Variants in TNFRSF4 observed in about 807,000 individuals in gnomAD.
TNFRSF4 encodes the protein TNF receptor superfamily member 4.
Under a neutral mutation model 29.5 loss-of-function variants are expected in TNFRSF4, and 21 were observed. The ratio of observed to expected loss-of-function variants is 0.71; its 90% confidence interval spans 0.51 to 1.03. The LOEUF (loss-of-function observed/expected upper bound fraction) is 1.03, where lower values mean the gene tolerates loss of function less well. Among genes scored for constraint, TNFRSF4 ranks in the 50% least tolerant of loss-of-function variants. TNFRSF4 has a pLI of 0.00. For synonymous variants in TNFRSF4, 197 were observed against 172.7 expected (o/e 1.14, Z -1.10); for missense variants, 408 against 387.8 (o/e 1.05, Z -0.44).
At chr1:1,212,312 A>G (rs1325696357) in intron 4 of TNFRSF4, among the ~76,000 whole-genome samples, 174 bp from the exon 5 acceptor site, 2 of 151,458 alleles carry the variant, frequency 1.3e-5, no homozygotes, top group African/African-American at 4.9e-5. Context: ...GGGGCCTCCA[A>G]GGCCACACAC....
chr1:1,213,718 G>A lies in TNFRSF4; in HGVS notation c.213C>T (p.Phe71=). Residue 71 remains phenylalanine, a synonymous_variant, in exon 2 of 7, where the codon TTC becomes TTT. Transcript: ENST00000379236. ...GCTTGGAGCTGACCACGTCGTTGTA[G>A]AAGCCCGGCCCGCACGGACGGCACA... ...NTVCRPCGPG[F]YNDVVSSKPC... 1 of 1,600,168 alleles carries A rather than the reference G, an allele frequency of 6.2e-7. No individual in the cohort carries two copies. The highest frequency in any genetic ancestry group is 8.5e-7 in the Non-Finnish European group (1 of 1,174,600).
Position 1,211,714 on chromosome 1 carries a change from G to A in TNFRSF4, c.753C>T (p.His251=), listed in dbSNP as rs1195337875. The change falls in exon 6 of 7, where the codon CAC becomes CAT. Residue 251 remains histidine (H), a synonymous_variant. Transcript: ENST00000379236. ...RRDQRLPPDA[H]KPPGGGSFRT... ...CCATGAGGCACTCACCAGGGGGCTT[G>A]TGGGCATCGGGGGGCAGCCTCTGGT... 5 of 1,590,178 alleles carry A rather than the reference G, an allele frequency of 3.1e-6. No homozygotes were observed. Among genetic ancestry groups the A allele is most frequent in the Non-Finnish European group, 4.3e-6 (5 of 1,169,342 alleles).
chr1:1,213,568 C>A (rs1479785039), intron 2 of TNFRSF4, 95 bp downstream of exon 2: 2 of 1,479,042 alleles, frequency 1.4e-6, no homozygotes, highest in South Asian at 1.4e-5. Flanking sequence ...TTCGTTTCTG[C>A]GGCTGTGGGA....
rs868348107 is a variant in TNFRSF4, at chr1:1,211,632, A to G, written c.764-7T>C. ...GTCCGGAAACTGCCTCCCCCTGGGG[A>G]GGAAAAAAGGAGAGATTGGTGGGTG... On this transcript the variant is annotated splice_polypyrimidine_tract_variant and splice_region_variant and intron_variant, in intron 6 of 6. Transcript: ENST00000379236. The G allele has an allele frequency of 1.3e-6, 2 of 1,553,762 alleles. No individual in the cohort carries two copies. The highest frequency in any genetic ancestry group is 1.7e-6 in the Non-Finnish European group (2 of 1,151,882).
chr1:1,213,650 G>A lies in TNFRSF4; in HGVS notation c.268+13C>T. ...TGTGCTGGGTGGGGCTGTGGGGCCA[G>A]GTGGGAGCTCACTGAGGTTACACCA... On this transcript the variant is annotated intron_variant, in intron 2 of 6. Transcript: ENST00000379236. The A allele has an allele frequency of 6.3e-7, 1 of 1,580,576 alleles. No individual in the cohort carries two copies. The highest frequency in any genetic ancestry group is 2.3e-5 in the East Asian group (1 of 43,292).
chr1:1,212,609 C>T, intron 4 of TNFRSF4, 29 bp downstream of exon 4: 1 of 1,468,240 alleles, frequency 6.8e-7, no homozygotes, highest in Non-Finnish European at 9.1e-7. Flanking sequence ...CCCCCCCAGC[C>T]CCTCCCAGCC....
rs1054874168 is a variant in TNFRSF4 at position 1,212,972 on chromosome 1, G to A, written c.370+20C>T. 1 of 1,600,198 alleles carries A rather than the reference G, an allele frequency of 6.2e-7. No homozygotes were observed. On this transcript the variant is annotated intron_variant, in intron 3 of 6. Transcript: ENST00000379236. Reference sequence around the variant, plus strand: ...CCGCTATGCACACCCCCAACCGCCGGCCGCAGCCACCGAGCTCACCAACTC... The same window carrying A: ...CCGCTATGCACACCCCCAACCGCCGACCGCAGCCACCGAGCTCACCAACTC...
rs937977890 is a variant in TNFRSF4, at chr1:1,212,208, CAG to C, written c.438-72_438-71del. On this transcript the variant is annotated intron_variant, in intron 4 of 6. Coordinates refer to ENST00000379236, the MANE Select transcript of TNFRSF4 (RefSeq NM_003327.4). ...GACCCGGGAGATGCGGTGGGGATAACAGGGTCCACGCTGGCCAGCCACAGGCA... is the reference window on the plus strand; with the variant it reads ...GACCCGGGAGATGCGGTGGGGATAACGGTCCACGCTGGCCAGCCACAGGCA... The C allele has an allele frequency of 3.2e-6, 5 of 1,548,636 alleles. No individual in the cohort carries two copies. In the African/African-American group the frequency reaches 5.4e-5, roughly 17 times the overall value.
At chr1:1,212,219 C>A (rs1649174107) in intron 4 of TNFRSF4, 81 bp from the exon 5 acceptor site, 1 of 1,480,738 alleles carries the variant, frequency 6.8e-7, no homozygotes, top group Non-Finnish European at 9.3e-7. Flanking sequence ...AGGGTCCACG[C>A]TGGCCAGCCA....
chr1:1,213,211 G>T (rs1307913879), intron 2 of TNFRSF4, 118 bp from the exon 3 acceptor site: 26 of 1,535,572 alleles, frequency 1.7e-5, no homozygotes, highest in Non-Finnish European at 2.2e-5. Flanking sequence ...GTGGGCAGGG[G>T]TCTGCGGCCT....
Position 1,211,443 on chromosome 1 carries a change from G to T in TNFRSF4, c.*112C>A. On this transcript the variant is annotated 3_prime_UTR_variant, in exon 7 of 7. Coordinates refer to ENST00000379236, the MANE Select transcript of TNFRSF4 (RefSeq NM_003327.4). ...AGCCATCGGCACCTAGAACGGTGCA[G>T]AGTTGGCCCAGGAGCGTGGCGGGGC... 1 of 1,124,390 alleles carries T rather than the reference G, an allele frequency of 8.9e-7. No homozygotes were observed. Among genetic ancestry groups the T allele is most frequent in the Non-Finnish European group, 1.2e-6 (1 of 821,210 alleles). The allele number at this position is 1,124,390 out of a possible 1,614,324, so 69.7% of individuals were successfully genotyped here.
chr1:1,212,602 CCCCAGCCCCT>C (rs1477591337), intron 4 of TNFRSF4, 26 bp downstream of exon 4: 7 of 1,382,662 alleles, frequency 5.1e-6, no homozygotes, highest in African/African-American at 1.5e-5. Context: ...CCCAACCCCC[CCCCAGCCCCT>C]CCCAGCCCCT....
Position 1,212,651 on chromosome 1 carries a change from T to C in TNFRSF4, c.424A>G (p.Lys142Glu), listed in dbSNP as rs1292051331. ...HFSPGDNQAC[K>E]PWTNCTLAGK... ...CAGGCCCCTCACTTGGTCCAGGGCT[T>C]GCAGGCCTGGTTGTCGCCTGGGGAG... The change falls in exon 4 of 7, where the codon AAG (lysine) becomes GAG (glutamate). Residue 142 changes from lysine to glutamate, a missense_variant. Coordinates refer to ENST00000379236, the MANE Select transcript of TNFRSF4 (RefSeq NM_003327.4). 5.4e-6 allele frequency: 8 copies of C among 1,474,828 alleles called. No individual in the cohort carries two copies. The highest frequency in any genetic ancestry group is 7.2e-6 in the Non-Finnish European group (8 of 1,110,538). The allele number at this position is 1,474,828 out of a possible 1,614,324, so 91.4% of individuals were successfully genotyped here.
At position 1,214,136 on chromosome 1, in the gene TNFRSF4, C is replaced by T. The variant is rs578137863; in HGVS notation, c.-9G>A. 6.4e-7 allele frequency: 1 copy of T among 1,571,770 alleles called. No individual in the cohort carries two copies. Among genetic ancestry groups the T allele is most frequent in the Admixed American group, 1.8e-5 (1 of 55,974 alleles). On this transcript the variant is annotated 5_prime_UTR_variant, in exon 1 of 7. Transcript: ENST00000379236. This position sits in a 1 kb window ranked among gnomAD's most constrained non-coding sequence, Gnocchi z 4.2. The stretch of plus-strand genomic sequence containing the variant: ...CGAGCCCCCACGCACATCCTCGTCT[C>T]TGCTGTCGCCAGAGTCTGGGTTTTC...
intron 1 of TNFRSF4, 91 bp from the exon 2 acceptor site, chr1:1,213,876 C>A (rs1649336485): frequency 1.5e-6 from 2 of 1,367,588 alleles, no homozygotes; most frequent in Admixed American, 4.7e-5. Flanking sequence ...GCTTGGCCGG[C>A]CCCTCACCCG....
intron 4 of TNFRSF4, among the ~76,000 whole-genome samples, chr1:1,212,367 T>G (rs1338288078): frequency 2.7e-5 from 4 of 150,898 alleles, no homozygotes; most frequent in African/African-American, 9.8e-5. Context: ...CCCTGTCCTG[T>G]GCCCCCAGGG....
At chr1:1,213,537 A>T in intron 2 of TNFRSF4, 126 bp downstream of exon 2, 2 of 1,468,290 alleles carry the variant, frequency 1.4e-6, no homozygotes, top group Non-Finnish European at 1.8e-6. Context: ...GTGGCGGAGC[A>T]GACCCCGCTG....
Position 1,211,601 on chromosome 1 carries a change from A to G in TNFRSF4, c.788T>C (p.Ile263Thr). The change falls in exon 7 of 7, where the codon ATC becomes ACC. Residue 263 changes from isoleucine to threonine, a missense_variant. Physicochemically the swap from Ile to Thr is moderately conservative, Grantham distance 89. Transcript: ENST00000379236. ...GTGGGCGTCGGCCTGCTCCTCTTGG[A>G]TGGGGGTCCGGAAACTGCCTCCCCC... ...PPGGGSFRTP[I>T]QEEQADAHST... is the part of the protein sequence containing the mutation. 1 of 1,529,268 alleles carries G rather than the reference A, an allele frequency of 6.5e-7. No individual in the cohort carries two copies. The highest frequency in any genetic ancestry group is 8.8e-7 in the Non-Finnish European group (1 of 1,140,066). The allele number at this position is 1,529,268 out of a possible 1,614,324, so 94.7% of individuals were successfully genotyped here.
chr1:1,212,758 A>T, intron 3 of TNFRSF4, 54 bp from the exon 4 acceptor site: 2 of 1,440,948 alleles, frequency 1.4e-6, no homozygotes, highest in Non-Finnish European at 1.9e-6. Context: ...GGTGCTGGGG[A>T]CATGGGGCAG....
Sources: allele counts gnomAD v4.1 joint callset (sites outside exome capture counted in the v4.1 genomes callset), GRCh38; gene constraint gnomAD v4.1.1; non-coding constraint Gnocchi (gnomAD v3.1); transcripts MANE v1.5; gene names NCBI Gene and HGNC (gene_info 2026-07-23, HGNC 2026-07-21).